ACTR6: variants seen among roughly 807,000 people sequenced by gnomAD.
ACTR6 encodes actin-related protein 6.
ACTR6 carries 50 observed loss-of-function variants against 52.5 expected under a neutral mutation model. That is an observed-to-expected ratio of 0.95 (90% CI 0.76 to 1.20). The LOEUF is 1.20. Among genes scored for constraint, ACTR6 ranks in the 50% most tolerant of loss-of-function variants. ACTR6 has a pLI of 0.00. For synonymous variants in ACTR6, 135 were observed against 147.2 expected, an observed-to-expected ratio of 0.92 and a Z score of 0.60; for missense variants, 344 against 472.4, an observed-to-expected ratio of 0.73 and a Z score of 2.52.
Position 100,218,279 on chromosome 12 carries a change from T to G in ACTR6, c.751-136T>G. On this transcript the variant is annotated intron_variant, in intron 8 of 10. Transcript: ENST00000188312. The surrounding 1 kb of genome is among the most constrained non-coding windows in gnomAD (Gnocchi z 4.2). ...GGCAGCCACACATTCTTCTAAATTT[T>G]GAGAATCCTGAAACTTCCAAGAACA... is the stretch of plus-strand genomic sequence containing the variant. 9.3e-6 allele frequency: 5 copies of G among 535,152 alleles called. No individual in the cohort carries two copies. Among genetic ancestry groups the G allele is most frequent in the South Asian group, 8.4e-5 (1 of 11,912 alleles). 33.2% of individuals were successfully genotyped at this position (535,152 alleles called of 1,614,324 possible). A position where few individuals can be genotyped will look rare whatever the true frequency, so the allele number is the denominator to read the frequency against.
At position 100,218,263 on chromosome 12, in the gene ACTR6, A is replaced by T; in HGVS notation, c.751-152A>T. On this transcript the variant is annotated intron_variant, in intron 8 of 10. Transcript: ENST00000188312. The surrounding 1 kb of genome is among the most constrained non-coding windows in gnomAD (Gnocchi z 4.2). ...TTTTGGCAACAGTAAAGGCAGCCAC[A>T]CATTCTTCTAAATTTTGAGAATCCT... The T allele has an allele frequency of 2.3e-6, 1 of 430,854 alleles. No homozygotes were observed. Among genetic ancestry groups the T allele is most frequent in the Non-Finnish European group, 3.6e-6 (1 of 279,414 alleles). 26.7% of individuals were successfully genotyped at this position (430,854 alleles called of 1,614,324 possible).
At chr12:100,214,003 T>C (rs1220433814) in intron 8 of ACTR6, among the ~76,000 whole-genome samples, 1 of 152,212 alleles carries the variant, frequency 6.6e-6, no homozygotes, top group East Asian at 1.9e-4. Context: ...TTTGATATGT[T>C]CGTATAGTAA....
chr12:100,217,251 T>G (rs768090539), intron 8 of ACTR6, among the ~76,000 whole-genome samples: 9 of 152,228 alleles, frequency 5.9e-5, no homozygotes, highest in Non-Finnish European at 1.3e-4. Context: ...GGTACTTTTT[T>G]ATGATAGTTA....
chr12:100,201,971 G>A (rs1046076873), intron 1 of ACTR6, among the ~76,000 whole-genome samples: 20 of 143,482 alleles, frequency 1.4e-4, no homozygotes, highest in African/African-American at 3.1e-4. Flanking sequence ...TGGCTCTCTT[G>A]TCCAGGCTGG....
rs1456584562 is a variant in ACTR6 at position 100,224,238 on chromosome 12, C to G, written c.*323C>G. The G allele has an allele frequency of 1.7e-5, 3 of 175,394 alleles. No individual in the cohort carries two copies. The highest frequency in any genetic ancestry group is 6.4e-5 in the Admixed American group (1 of 15,710). The allele number at this position is 175,394 out of a possible 1,614,324, so 10.9% of individuals were successfully genotyped here. A position where few individuals can be genotyped will look rare whatever the true frequency, so the allele number is the denominator to read the frequency against. On this transcript the variant is annotated 3_prime_UTR_variant, in exon 11 of 11. Coordinates refer to ENST00000188312, the MANE Select transcript of ACTR6 (RefSeq NM_022496.5). ...TGAAAGCACAAATTTAACGGCTTCA[C>G]TGGACAGTTTTCCTTAGAAGGTAGT... is the stretch of plus-strand genomic sequence containing the variant.
Position 100,218,380 on chromosome 12 carries a change from T to TA in ACTR6, c.751-34dup. The TA allele has an allele frequency of 6.4e-7, 1 of 1,567,502 alleles. No homozygotes were observed. Among genetic ancestry groups the TA allele is most frequent in the Non-Finnish European group, 8.7e-7 (1 of 1,147,864 alleles). On this transcript the variant is annotated intron_variant, in intron 8 of 10. Transcript: ENST00000188312. The surrounding 1 kb of genome is among the most constrained non-coding windows in gnomAD (Gnocchi z 4.2). ...ATTATTAGTCATGTGAGCTAGATAA[T>TA]ATAACTTAAACTTTTAATCTTCTTT...
Position 100,210,199 on chromosome 12 carries a change from C to A in ACTR6, c.506C>A (p.Ala169Glu). 2 of 1,602,098 alleles carry A rather than the reference C, an allele frequency of 1.2e-6. No individual in the cohort carries two copies. Among genetic ancestry groups the A allele is most frequent in the Middle Eastern group, 1.7e-4 (1 of 5,976 alleles). Residue 169 changes from alanine to glutamate, a missense_variant, in exon 5 of 11, where the codon GCA (alanine) becomes GAA (glutamate). Ala to Glu is a moderately radical substitution (Grantham distance 107). Transcript: ENST00000188312. Reference protein sequence around the residue: ...PYCRSKKKKEAIIRINVGGKL... With the variant: ...PYCRSKKKKEEIIRINVGGKL... ...TGTAGAAGTAAAAAGAAAAAAGAAGCAATTATTCGGTGAGTTGTATTTAAT... is the reference window on the plus strand; with the variant it reads ...TGTAGAAGTAAAAAGAAAAAAGAAGAAATTATTCGGTGAGTTGTATTTAAT...
intron 1 of ACTR6, among the ~76,000 whole-genome samples, chr12:100,203,067 A>G (rs1270996968): frequency 6.6e-6 from 1 of 152,200 alleles, no homozygotes; most frequent in Non-Finnish European, 1.5e-5. Flanking sequence ...TGCACAGTTC[A>G]AAATAGGGTT....
intron 4 of ACTR6, 120 bp downstream of exon 4, chr12:100,207,906 A>G (rs768934189): frequency 1.8e-6 from 2 of 1,118,746 alleles, no homozygotes; most frequent in South Asian, 2.5e-5. Flanking sequence ...AACACCTGTA[A>G]CCCCATCAGT....
At chr12:100,213,563 C>A (rs1463660661) in intron 8 of ACTR6, among the ~76,000 whole-genome samples, 12 of 152,070 alleles carry the variant, frequency 7.9e-5, no homozygotes, top group Admixed American at 7.9e-4. Flanking sequence ...TATGGCTAAC[C>A]CATTTTTGTT....
chr12:100,214,362 A>G (rs1239102902), intron 8 of ACTR6, among the ~76,000 whole-genome samples: 1 of 152,094 alleles, frequency 6.6e-6, no homozygotes, highest in Admixed American at 6.6e-5. Context: ...GGGCCAGATT[A>G]TTGAGGTGAA....
Position 100,210,168 on chromosome 12 carries a change from C to A in ACTR6, c.475C>A (p.Pro159Thr). Residue 159 changes from proline to threonine, a missense_variant, in exon 5 of 11, where the codon CCT becomes ACT. By Grantham distance (38) the Pro-to-Thr change is conservative. Transcript: ENST00000188312. ...DSGYSFTHIV[P>T]YCRSKKKKEA... is the part of the protein sequence containing the mutation. The stretch of plus-strand genomic sequence containing the variant: ...TGGATATTCCTTTACACATATAGTT[C>A]CTTATTGTAGAAGTAAAAAGAAAAA... 1 of 1,606,018 alleles carries A rather than the reference C, an allele frequency of 6.2e-7. No homozygotes were observed. The highest frequency in any genetic ancestry group is 1.1e-5 in the South Asian group (1 of 90,058).
Position 100,223,811 on chromosome 12 carries a change from G to A in ACTR6, c.1087G>A (p.Gly363Arg). 8.7e-6 allele frequency: 14 copies of A among 1,608,998 alleles called. No individual in the cohort carries two copies. The highest frequency in any genetic ancestry group is 1.2e-5 in the Non-Finnish European group (14 of 1,178,404). The change falls in exon 11 of 11, where the codon GGA (glycine) becomes AGA (arginine). Residue 363 changes from glycine to arginine, a missense_variant. Gly to Arg is a moderately radical substitution (Grantham distance 125, BLOSUM62 -2). Transcript: ENST00000188312. ...ENPITYAWEG[G>R]KLISENDDFE... ...CCCTATTACTTATGCCTGGGAAGGT[G>A]GAAAATTGATATCAGAGAATGATGA...
intron 8 of ACTR6, among the ~76,000 whole-genome samples, chr12:100,215,518 T>C (rs1210441001): frequency 6.6e-6 from 1 of 152,162 alleles, no homozygotes; most frequent in Non-Finnish European, 1.5e-5. Context: ...CACAATCTGG[T>C]TATGGACTGT....
chr12:100,202,260 G>T (rs755405315), intron 1 of ACTR6, among the ~76,000 whole-genome samples: 40 of 152,032 alleles, frequency 2.6e-4, no homozygotes, highest in Non-Finnish European at 4.6e-4. Flanking sequence ...ATTACCTAGA[G>T]AATTAATTAG....
Position 100,223,959 on chromosome 12 carries a change from A to G in ACTR6, c.*44A>G. 7 of 1,574,536 alleles carry G rather than the reference A, an allele frequency of 4.4e-6. No individual in the cohort carries two copies. Among genetic ancestry groups the G allele is most frequent in the Non-Finnish European group, 6.0e-6 (7 of 1,167,714 alleles). On this transcript the variant is annotated 3_prime_UTR_variant, in exon 11 of 11. Coordinates refer to ENST00000188312, the MANE Select transcript of ACTR6 (RefSeq NM_022496.5). ...AGTTGTGACCATAAGGTTTAATTTC[A>G]AAGTTCCTTTTAAAAGAGGTTAAGG... is the stretch of plus-strand genomic sequence containing the variant.
chr12:100,208,502 T>C (rs964836395), intron 4 of ACTR6, among the ~76,000 whole-genome samples: 2 of 152,156 alleles, frequency 1.3e-5, no homozygotes, highest in African/African-American at 4.8e-5. Context: ...CTTGAACTCC[T>C]GATCTCAAGT....
At chr12:100,223,750 A>G (rs1429713512) in intron 10 of ACTR6, 36 bp from the exon 11 acceptor site, 6 of 1,578,570 alleles carry the variant, frequency 3.8e-6, no homozygotes, top group Non-Finnish European at 4.3e-6. Flanking sequence ...GTTTTCCTGT[A>G]AAATCATCTG....
At chr12:100,221,008 C>T (rs1033267174) in intron 10 of ACTR6, among the ~76,000 whole-genome samples, 2 of 145,668 alleles carry the variant, frequency 1.4e-5, no homozygotes, top group Admixed American at 6.8e-5. Context: ...AACAAACCCC[C>T]CTGGCAAAAA....
Sources: allele counts gnomAD v4.1 joint callset (sites outside exome capture counted in the v4.1 genomes callset), GRCh38; gene constraint gnomAD v4.1.1; non-coding constraint Gnocchi (gnomAD v3.1); transcripts MANE v1.5; gene names NCBI Gene and HGNC (gene_info 2026-07-23, HGNC 2026-07-21).